The following ANGPTL7 variants were observed in gnomAD, a reference collection of about 807,000 sequenced individuals.
ANGPTL7 encodes angiopoietin like 7, also known as angiopoietin-related protein 7.
Under a neutral mutation model 38.8 loss-of-function variants are expected in ANGPTL7, and 37 were observed. The ratio of observed to expected loss-of-function variants is 0.95; its 90% confidence interval spans 0.73 to 1.25. The LOEUF (loss-of-function observed/expected upper bound fraction) is 1.25. Among genes scored for constraint, ANGPTL7 ranks in the 50% most tolerant of loss-of-function variants. The pLI is 0.00. For synonymous variants in ANGPTL7, 166 were observed against 163.2 expected (o/e 1.02, Z -0.13); for missense variants, 427 against 438.6 (o/e 0.97, Z 0.24).
Position 11,189,633 on chromosome 1 carries a change from CTT to C in ANGPTL7, c.56_57del (p.Phe19CysfsTer12). ...CCTGGCTCTGCATTTTCATCGTGGCCTTTGTCAGCCACCCAGCGTGGCTGCAG... is the reference window on the plus strand; with the variant it reads ...CCTGGCTCTGCATTTTCATCGTGGCCTGTCAGCCACCCAGCGTGGCTGCAG... ...VTWLCIFIVA[F>X]VSHPAWLQKL... On this transcript the variant is annotated frameshift_variant, in exon 1 of 5. Coordinates refer to ENST00000376819, the MANE Select transcript of ANGPTL7 (RefSeq NM_021146.4). LOFTEE classifies it high-confidence loss of function. The C allele has an allele frequency of 6.2e-7, 1 of 1,614,040 alleles. No individual in the cohort carries two copies. Among genetic ancestry groups the C allele is most frequent in the East Asian group, 2.2e-5 (1 of 44,878 alleles).
chr1:11,193,922 G>T, intron 3 of ANGPTL7, 148 bp downstream of exon 3: 1 of 962,404 alleles, frequency 1.0e-6, no homozygotes. Context: ...TGGAGTTGAG[G>T]AAAAATAGGT....
Position 11,192,211 on chromosome 1 carries a change from C to T in ANGPTL7, c.377-59C>T. The T allele has an allele frequency of 2.3e-6, 3 of 1,277,912 alleles. 1 individual carries two copies. The South Asian group carries it at 3.7e-5, about 16-fold the overall frequency. The allele number at this position is 1,277,912 out of a possible 1,614,324, so 79.2% of individuals were successfully genotyped here. ...GAAATAAAGGCTCAGTCTCTAAACA[C>T]TCAACTCAGATGGAGCCACTGGGTC... On this transcript the variant is annotated intron_variant, in intron 1 of 4. Transcript: ENST00000376819.
rs138675749 is a variant in ANGPTL7 at position 11,189,417 on chromosome 1, G to C, written c.-163G>C. ...CCCCTGTCAGAGACTCAAGCTTTGA[G>C]AAAGGCTAGCAAAGAGCAAGGAAAG... On this transcript the variant is annotated 5_prime_UTR_variant, in exon 1 of 5. Coordinates refer to ENST00000376819, the MANE Select transcript of ANGPTL7 (RefSeq NM_021146.4). 3.6e-4 allele frequency: 326 copies of C among 898,432 alleles called. 2 individuals are homozygous for C. The African/African-American group carries it at 5.1e-3, about 14-fold the overall frequency. 55.7% of individuals were successfully genotyped at this position (898,432 alleles called of 1,614,324 possible).
rs542785234 is a variant in ANGPTL7, at chr1:11,194,508, G to C, written c.720G>C (p.Leu240Phe). 2.5e-6 allele frequency: 4 copies of C among 1,614,124 alleles called. No homozygotes were observed. Among genetic ancestry groups the C allele is most frequent in the Non-Finnish European group, 3.4e-6 (4 of 1,180,020 alleles). ...ACGCTGAGTATAGCCACTTTGTTTT[G>C]GGCAATGAACTCAACAGCTATCGCC... ...LRYAEYSHFV[L>F]GNELNSYRLF... The change falls in exon 4 of 5, where the codon TTG becomes TTC. Residue 240 changes from leucine (L) to phenylalanine (F), a missense_variant. Coordinates refer to ENST00000376819, the MANE Select transcript of ANGPTL7 (RefSeq NM_021146.4).
At position 11,195,021 on chromosome 1, in the gene ANGPTL7, TA is replaced by T; in HGVS notation, c.*2del. On this transcript the variant is annotated frameshift_variant and stop_lost, in exon 5 of 5. Transcript: ENST00000376819. LOFTEE classifies it high-confidence loss of function. ...MKIRPEDFKP[*>X] is the part of the protein sequence containing the mutation. ...AATCCGCCCAGAAGACTTCAAGCCT[TA>T]AAAGGAGGCTGCCGTGGAGCACGGA... 2 of 1,613,220 alleles carry T rather than the reference TA, an allele frequency of 1.2e-6. No homozygotes were observed. Among genetic ancestry groups the T allele is most frequent in the South Asian group, 1.1e-5 (1 of 91,012 alleles).
At position 11,195,202 on chromosome 1, in the gene ANGPTL7, G is replaced by A. The variant is rs796400639; in HGVS notation, c.*179G>A. 12 of 700,778 alleles carry A rather than the reference G, an allele frequency of 1.7e-5. No homozygotes were observed. The highest frequency in any genetic ancestry group is 1.4e-4 in the African/African-American group (8 of 55,638). 43.4% of individuals were successfully genotyped at this position (700,778 alleles called of 1,614,324 possible). Reference sequence around the variant, plus strand: ...AATCATATGTACCAAGGATGTTACAGTAAACAGGATGAACTATTTAAACCC... The same window carrying A: ...AATCATATGTACCAAGGATGTTACAATAAACAGGATGAACTATTTAAACCC... On this transcript the variant is annotated 3_prime_UTR_variant, in exon 5 of 5. Coordinates refer to ENST00000376819, the MANE Select transcript of ANGPTL7 (RefSeq NM_021146.4).
chr1:11,194,407 CAGCATGAAATGG>C, intron 3 of ANGPTL7, 42 bp from the exon 4 acceptor site: 1 of 1,556,464 alleles, frequency 6.4e-7, no homozygotes, highest in Admixed American at 1.7e-5. Flanking sequence ...GGTATAGAGA[CAGCATGAAATGG>C]AGCCTGCTGC....
Position 11,195,004 on chromosome 1 carries a change from C to T in ANGPTL7, c.1022C>T (p.Pro341Leu), listed in dbSNP as rs191443471. The change falls in exon 5 of 5, where the codon CCA becomes CTA. Residue 341 changes from proline to leucine, a missense_variant. Coordinates refer to ENST00000376819, the MANE Select transcript of ANGPTL7 (RefSeq NM_021146.4). The stretch of plus-strand genomic sequence containing the variant: ...AAACGGGTGGAGATGAAAATCCGCC[C>T]AGAAGACTTCAAGCCTTAAAAGGAG... ...SLKRVEMKIR[P>L]EDFKP 6.2e-7 allele frequency: 1 copy of T among 1,613,692 alleles called. No individual in the cohort carries two copies. The highest frequency in any genetic ancestry group is 1.1e-5 in the South Asian group (1 of 91,038).
chr1:11,194,433 T>TAA (rs755658448), intron 3 of ANGPTL7, 28 bp from the exon 4 acceptor site: 1 of 1,611,562 alleles, frequency 6.2e-7, no homozygotes, highest in Admixed American at 1.7e-5. Flanking sequence ...CTGCTGCACT[T>TAA]TCTTTAAGGC....
In ANGPTL7 at chr1:11,193,497, C is replaced by A; in HGVS notation, c.478-83C>A. On this transcript the variant is annotated intron_variant, in intron 2 of 4. Coordinates refer to ENST00000376819, the MANE Select transcript of ANGPTL7 (RefSeq NM_021146.4). Reference sequence around the variant, plus strand: ...CACACATCTACTGGCTCTGCAGGGACAGGAACAGGTTGGGAAGCCTGCCCT... The same window carrying A: ...CACACATCTACTGGCTCTGCAGGGAAAGGAACAGGTTGGGAAGCCTGCCCT... 2 of 1,287,896 alleles carry A rather than the reference C, an allele frequency of 1.6e-6. 1 individual carries two copies. The highest frequency in any genetic ancestry group is 2.9e-5 in the South Asian group (2 of 67,952). 79.8% of individuals were successfully genotyped at this position (1,287,896 alleles called of 1,614,324 possible).
intron 4 of ANGPTL7, 46 bp downstream of exon 4, chr1:11,194,705 A>G (rs1444566796): frequency 6.2e-7 from 1 of 1,608,472 alleles, no homozygotes; most frequent in Non-Finnish European, 8.5e-7. Flanking sequence ...GTACAAGCTC[A>G]TAATCCCACT....
chr1:11,190,618 T>C (rs984901638), intron 1 of ANGPTL7, among the ~76,000 whole-genome samples: 5 of 152,222 alleles, frequency 3.3e-5, no homozygotes, highest in African/African-American at 7.2e-5. Context: ...TGCTGAAATA[T>C]AGACTTAATA....
chr1:11,194,191 A>G (rs961995935), intron 3 of ANGPTL7, among the ~76,000 whole-genome samples: 8 of 152,198 alleles, frequency 5.3e-5, no homozygotes, highest in Non-Finnish European at 8.8e-5. Context: ...ATTCAGCAAA[A>G]ACATAGCTGC....
intron 1 of ANGPTL7, among the ~76,000 whole-genome samples, chr1:11,191,955 T>C (rs1167607892): frequency 6.6e-6 from 1 of 152,168 alleles, no homozygotes; most frequent in East Asian, 1.9e-4. Context: ...CCTCATACAC[T>C]GTAACATTTC....
chr1:11,190,403 A>C (rs1345532751), intron 1 of ANGPTL7, among the ~76,000 whole-genome samples: 5 of 152,238 alleles, frequency 3.3e-5, no homozygotes, highest in African/African-American at 1.2e-4. Flanking sequence ...ACCAGGAATG[A>C]GCATTAATGG....
rs1230619328 is a variant in ANGPTL7, at chr1:11,194,746, G to A, written c.871+87G>A. The A allele has an allele frequency of 6.9e-6, 11 of 1,600,704 alleles. No homozygotes were observed. The East Asian group carries it at 2.2e-4, about 33-fold the overall frequency. On this transcript the variant is annotated intron_variant, in intron 4 of 4. Transcript: ENST00000376819. ...AGAAAGAGTGAATTATAACTGTACA[G>A]TTGATATTCCGGTTTTGGTATTCTT...
intron 1 of ANGPTL7, among the ~76,000 whole-genome samples, chr1:11,191,147 A>G (rs1245766614): frequency 6.6e-6 from 1 of 152,154 alleles, no homozygotes; most frequent in African/African-American, 2.4e-5. Flanking sequence ...AGGCTTTCTC[A>G]CCATCCTGCA....
In ANGPTL7 at chr1:11,189,925, G is replaced by A. The variant is rs1183507212; in HGVS notation, c.346G>A (p.Ala116Thr). The A allele has an allele frequency of 6.2e-7, 1 of 1,613,336 alleles. No individual in the cohort carries two copies. The highest frequency in any genetic ancestry group is 1.7e-5 in the Admixed American group (1 of 60,008). Residue 116 changes from alanine to threonine, a missense_variant, in exon 1 of 5, where the codon GCA (alanine) becomes ACA (threonine). Transcript: ENST00000376819. ...CCAAATTGACATCATGCAGCTGCAG[G>A]CAGCACAGACGGTCACTCAGACCTC... ...NNQIDIMQLQ[A>T]AQTVTQTSAD...
intron 1 of ANGPTL7, among the ~76,000 whole-genome samples, chr1:11,190,624 T>A (rs1456074969): frequency 6.6e-6 from 1 of 152,204 alleles, no homozygotes; most frequent in Non-Finnish European, 1.5e-5. Context: ...AATATAGACT[T>A]AATAGGCCAA....
Sources: allele counts gnomAD v4.1 joint callset (sites outside exome capture counted in the v4.1 genomes callset), GRCh38; gene constraint gnomAD v4.1.1; transcripts MANE v1.5; gene names NCBI Gene and HGNC (gene_info 2026-07-23, HGNC 2026-07-21).